PTPRG: variants seen among roughly 807,000 people sequenced by gnomAD.
PTPRG encodes receptor-type tyrosine-protein phosphatase gamma.
PTPRG carries 102 observed loss-of-function variants against 165.3 expected under a neutral mutation model. The ratio of observed to expected loss-of-function variants is 0.62; its 90% CI spans 0.53 to 0.73. The LOEUF (loss-of-function observed/expected upper bound fraction) is 0.73. Among genes scored for constraint, PTPRG ranks in the 30% least tolerant of loss-of-function variants. The probability of loss-of-function intolerance (pLI) is 0.00; values close to 1 mark genes in which losing one functional copy is unlikely to be tolerated. For synonymous variants in PTPRG, 675 were observed against 669.5 expected (o/e 1.01, Z -0.13); for missense variants, 1,866 against 1,861.4 (o/e 1.00, Z -0.05).
chr3:61,609,145 T>C (rs1382223401), intron 1 of PTPRG, among the ~76,000 whole-genome samples: 5 of 152,242 alleles, frequency 3.3e-5, no homozygotes, highest in South Asian at 2.1e-4. Context: ...CATCAAGGTA[T>C]AGGAAGTTAT....
intron 4 of PTPRG, among the ~76,000 whole-genome samples, chr3:62,033,530 T>TCCCCC (rs147045221): frequency 5.2e-5 from 7 of 134,178 alleles, no homozygotes; most frequent in Admixed American, 1.6e-4. Flanking sequence ...ATGCCTATCT[T>TCCCCC]CCCCCCCCCA....
In PTPRG at chr3:62,105,511, A is replaced by T. The variant is rs531208143; in HGVS notation, c.616-27091A>T. Among the ~76,000 whole-genome samples the T allele has an allele frequency of 5.3e-5, 8 of 152,346 alleles. No homozygotes were observed. In the East Asian group the frequency reaches 1.3e-3, roughly 26 times the overall value. Reference sequence around the variant, plus strand: ...ATCTCCTAGCATAGACATAGCATAGAAAAACCTCATTTTGATTTTCACCTC... The same window carrying T: ...ATCTCCTAGCATAGACATAGCATAGTAAAACCTCATTTTGATTTTCACCTC... On this transcript the variant is annotated intron_variant, in intron 5 of 29. Transcript: ENST00000474889.
chr3:61,898,493 T>C (rs904537360), intron 2 of PTPRG, among the ~76,000 whole-genome samples: 3 of 152,224 alleles, frequency 2.0e-5, no homozygotes, highest in Non-Finnish European at 4.4e-5. Context: ...ATGCTTTAGA[T>C]AATTTGGGCA....
chr3:62,080,252 T>C (rs1292055477), intron 5 of PTPRG, among the ~76,000 whole-genome samples: 1 of 151,264 alleles, frequency 6.6e-6, no homozygotes, highest in African/African-American at 2.4e-5. Context: ...TTTTTTGTAT[T>C]TTTAGTAGAG....
chr3:61,826,401 T>A (rs586852), intron 2 of PTPRG, among the ~76,000 whole-genome samples: 1 of 151,780 alleles, frequency 6.6e-6, no homozygotes, highest in African/African-American at 2.4e-5. Flanking sequence ...ATTAATCCAG[T>A]TCACTGGAGA....
At chr3:61,958,024 A>G (rs1179381583) in intron 2 of PTPRG, among the ~76,000 whole-genome samples, 2 of 152,050 alleles carry the variant, frequency 1.3e-5, no homozygotes, top group Non-Finnish European at 2.9e-5. Context: ...TATCCTTTTT[A>G]TTCTTCCAAG....
intron 1 of PTPRG, among the ~76,000 whole-genome samples, chr3:61,575,632 C>T (rs904797163): frequency 2.2e-5 from 3 of 136,088 alleles, no homozygotes; most frequent in African/African-American, 8.6e-5. Flanking sequence ...GATGGAGTCT[C>T]GCTTTGTCAC....
intron 4 of PTPRG, among the ~76,000 whole-genome samples, chr3:62,012,886 T>G (rs934025595): frequency 6.6e-6 from 1 of 152,232 alleles, no homozygotes; most frequent in African/African-American, 2.4e-5. Context: ...TCAGCACTTA[T>G]GCCTAGAGCT....
chr3:61,871,163 G>GTTATGTTATGTTA (rs2037566057), intron 2 of PTPRG, among the ~76,000 whole-genome samples: 4 of 116,582 alleles, frequency 3.4e-5, no homozygotes, highest in Non-Finnish European at 5.5e-5. Context: ...GTGTTGTGTT[G>GTTATGTTATGTTA]TGTTATGTTA....
intron 1 of PTPRG, among the ~76,000 whole-genome samples, chr3:61,723,328 T>C (rs2032127347): frequency 6.6e-6 from 1 of 152,166 alleles, no homozygotes; most frequent in Non-Finnish European, 1.5e-5. Context: ...TCTGTTGAGA[T>C]ATCTTTCTAA....
intron 14 of PTPRG, among the ~76,000 whole-genome samples, chr3:62,238,767 C>T (rs1383260448): frequency 1.3e-5 from 2 of 152,122 alleles, no homozygotes; most frequent in East Asian, 3.9e-4. Context: ...TGATACTTTA[C>T]TGATAAGAGA....
At chr3:62,191,854 CCTT>C (rs1411669753) in intron 9 of PTPRG, among the ~76,000 whole-genome samples, 1 of 152,172 alleles carries the variant, frequency 6.6e-6, no homozygotes, top group Non-Finnish European at 1.5e-5. Flanking sequence ...GCCATCCTGA[CCTT>C]AGACTTAACA....
intron 4 of PTPRG, among the ~76,000 whole-genome samples, chr3:62,008,128 T>C (rs1460233312): frequency 1.3e-5 from 2 of 152,238 alleles, no homozygotes; most frequent in African/African-American, 4.8e-5. Context: ...TCCACACTCA[T>C]TCCTGTTCTG....
intron 1 of PTPRG, among the ~76,000 whole-genome samples, chr3:61,667,794 TAA>T (rs60917362): frequency 4.9e-5 from 7 of 141,822 alleles, no homozygotes; most frequent in Admixed American, 7.1e-5. Context: ...TTTTTTTAAT[TAA>T]AAAAAAAAAA....
intron 4 of PTPRG, among the ~76,000 whole-genome samples, chr3:62,031,263 C>T (rs1362052756): frequency 3.3e-5 from 5 of 152,148 alleles, no homozygotes; most frequent in Non-Finnish European, 2.9e-5. Flanking sequence ...GAGTGGCTTA[C>T]CTAGCCTAGA....
intron 2 of PTPRG, among the ~76,000 whole-genome samples, chr3:61,900,143 GT>G (rs554498586): frequency 4.8e-4 from 70 of 145,840 alleles, no homozygotes; most frequent in Middle Eastern, 3.5e-3. Context: ...TAGAAATAGT[GT>G]TTTTTTTTTT....
intron 4 of PTPRG, among the ~76,000 whole-genome samples, chr3:62,029,066 G>A (rs1441558966): frequency 2.0e-5 from 3 of 152,120 alleles, no homozygotes; most frequent in African/African-American, 7.2e-5. Flanking sequence ...CTATACCTGT[G>A]ATCCTGTTTC....
At chr3:61,968,463 C>T (rs550920895) in intron 2 of PTPRG, among the ~76,000 whole-genome samples, 3 of 152,132 alleles carry the variant, frequency 2.0e-5, no homozygotes, top group South Asian at 4.2e-4. Context: ...TCTTAGATTC[C>T]CACATGTAGA....
At position 62,255,395 on chromosome 3, in the gene PTPRG, G is replaced by A. The variant is rs1270328365; in HGVS notation, c.2559+180G>A. Among the ~76,000 whole-genome samples, 1 of 151,834 alleles carries A rather than the reference G, an allele frequency of 6.6e-6. No individual in the cohort carries two copies. The highest frequency in any genetic ancestry group is 1.5e-5 in the Non-Finnish European group (1 of 68,014). ...TTTCCAAATAAAATTTAGGTGAAAG[G>A]GGAGTTGATTGTACCTGTCCTGAAT... On this transcript the variant is annotated intron_variant, in intron 16 of 29. Coordinates refer to ENST00000474889, the MANE Select transcript of PTPRG (RefSeq NM_002841.4). This position sits in a 1 kb window ranked among gnomAD's most constrained non-coding sequence, Gnocchi z 4.0.
Sources: allele counts gnomAD v4.1 joint callset (sites outside exome capture counted in the v4.1 genomes callset), GRCh38; gene constraint gnomAD v4.1.1; non-coding constraint Gnocchi (gnomAD v3.1); transcripts MANE v1.5; gene names NCBI Gene and HGNC (gene_info 2026-07-23, HGNC 2026-07-21).